Variants in GRM7 observed in about 807,000 individuals in gnomAD.
The protein encoded by GRM7 is metabotropic glutamate receptor 7.
Under a neutral mutation model 84.5 loss-of-function variants are expected in GRM7, and 35 were observed. The observed-to-expected ratio is 0.41, with a 90% CI of 0.32 to 0.55. The LOEUF (loss-of-function observed/expected upper bound fraction) is 0.55, where lower values mean the gene tolerates loss of function less well. Ranked by LOEUF, GRM7 falls within the 20% of genes least tolerant of loss-of-function variation. The pLI is 0.19. For synonymous variants in GRM7, 487 were observed against 455.1 expected (o/e 1.07, Z -0.89); for missense variants, 1,003 against 1,194.6 (o/e 0.84, Z 2.36).
At chr3:7,132,785 C>A (rs575621419) in intron 1 of GRM7, among the ~76,000 whole-genome samples, 1 of 152,156 alleles carries the variant, frequency 6.6e-6, no homozygotes, top group African/African-American at 2.4e-5. Context: ...AAAGTGGCTT[C>A]GGAATCATTA....
chr3:7,591,806 C>G (rs1695794687), intron 8 of GRM7, among the ~76,000 whole-genome samples: 1 of 152,108 alleles, frequency 6.6e-6, no homozygotes, highest in Non-Finnish European at 1.5e-5. Context: ...ATATCATCCC[C>G]ATTTACAGAG....
At chr3:7,457,858 C>A (rs1206758802) in intron 6 of GRM7, among the ~76,000 whole-genome samples, 1 of 152,194 alleles carries the variant, frequency 6.6e-6, no homozygotes, top group East Asian at 1.9e-4. Flanking sequence ...TAGCCAATAT[C>A]AACTGTCAGA....
chr3:7,279,166 T>A (rs534673096), intron 2 of GRM7, among the ~76,000 whole-genome samples: 96 of 152,258 alleles, frequency 6.3e-4, no homozygotes, highest in African/African-American at 2.2e-3. Flanking sequence ...CTGGAGTGAT[T>A]TGTTAAGTAG....
intron 1 of GRM7, among the ~76,000 whole-genome samples, chr3:6,958,294 A>G (rs1693151061): frequency 6.6e-6 from 1 of 151,700 alleles, no homozygotes; most frequent in African/African-American, 2.4e-5. Flanking sequence ...GGTTTGAGAT[A>G]CATCTGTGCT....
intron 9 of GRM7, among the ~76,000 whole-genome samples, chr3:7,732,819 A>G (rs1702377747): frequency 6.6e-6 from 1 of 152,212 alleles, no homozygotes; most frequent in Non-Finnish European, 1.5e-5. Context: ...GGGTTAGTCC[A>G]CAGTGCAAAG....
chr3:6,953,315 C>A (rs533249598), intron 1 of GRM7, among the ~76,000 whole-genome samples: 1 of 152,178 alleles, frequency 6.6e-6, no homozygotes, highest in Non-Finnish European at 1.5e-5. Flanking sequence ...CTCATTACTT[C>A]AACTCACATG....
At chr3:7,408,634 T>C (rs1486785455) in intron 4 of GRM7, among the ~76,000 whole-genome samples, 2 of 152,164 alleles carry the variant, frequency 1.3e-5, no homozygotes, top group African/African-American at 4.8e-5. Flanking sequence ...GTCCCTGGCC[T>C]CCAGGACCTC....
intron 7 of GRM7, among the ~76,000 whole-genome samples, chr3:7,517,643 T>A (rs772766544): frequency 1.3e-5 from 2 of 152,166 alleles, no homozygotes; most frequent in Non-Finnish European, 2.9e-5. Context: ...ATCACCTGTC[T>A]TGGCCTTCCA....
chr3:7,337,695 C>G (rs1413498410), intron 4 of GRM7, among the ~76,000 whole-genome samples: 1 of 151,738 alleles, frequency 6.6e-6, no homozygotes, highest in Non-Finnish European at 1.5e-5. Flanking sequence ...CAAATCAAAA[C>G]CACAATGTGA....
intron 2 of GRM7, among the ~76,000 whole-genome samples, chr3:7,152,891 A>G (rs765913942): frequency 1.7e-4 from 26 of 152,192 alleles, no homozygotes; most frequent in Non-Finnish European, 3.5e-4. Context: ...AAGCTAGGGT[A>G]CAGTCATTAA....
At chr3:7,036,606 T>G (rs1432689022) in intron 1 of GRM7, among the ~76,000 whole-genome samples, 2 of 152,196 alleles carry the variant, frequency 1.3e-5, no homozygotes, top group African/African-American at 2.4e-5. Context: ...ACTGTGAAAT[T>G]GACATTTTAT....
chr3:7,034,157 C>G (rs374238093), intron 1 of GRM7, among the ~76,000 whole-genome samples: 16 of 152,124 alleles, frequency 1.1e-4, no homozygotes, highest in African/African-American at 3.9e-4. Flanking sequence ...TACTAGGTTC[C>G]TTGAATGATC....
At chr3:7,013,130 C>T (rs1032260315) in intron 1 of GRM7, among the ~76,000 whole-genome samples, 3 of 66,744 alleles carry the variant, frequency 4.5e-5, no homozygotes, top group Admixed American at 1.7e-4. Context: ...ATCAACCCTA[C>T]CATAAAAAAA....
At chr3:7,196,017 T>C (rs1695867358) in intron 2 of GRM7, among the ~76,000 whole-genome samples, 1 of 152,014 alleles carries the variant, frequency 6.6e-6, no homozygotes, top group South Asian at 2.1e-4. Flanking sequence ...TAGTTAACTA[T>C]CTACCTACCT....
At chr3:6,959,875 A>G (rs1032729389) in intron 1 of GRM7, among the ~76,000 whole-genome samples, 2 of 152,124 alleles carry the variant, frequency 1.3e-5, no homozygotes, top group African/African-American at 4.8e-5. Flanking sequence ...GTGAGTAACA[A>G]ATGGAAACTC....
chr3:7,405,295 C>T (rs987461423), intron 4 of GRM7, among the ~76,000 whole-genome samples: 2 of 152,074 alleles, frequency 1.3e-5, no homozygotes, highest in African/African-American at 4.8e-5. Context: ...TAGAAAGAGG[C>T]TGGAGACCAG....
rs1693572872 is a variant in GRM7, at chr3:7,359,580, C to A, written c.1033+52928C>A. 2.0e-5 allele frequency among the ~76,000 whole-genome samples: 3 copies of A among 147,782 alleles called. No individual in the cohort carries two copies. The South Asian group carries it at 6.3e-4, about 31-fold the overall frequency. ...GAACTCCTGACCTCAAGTGATCCAC[C>A]TGCCTTGGACTCCCAAAGTGTTGGG... is the stretch of plus-strand genomic sequence containing the variant. On this transcript the variant is annotated intron_variant, in intron 4 of 9. Transcript: ENST00000357716.
Position 7,006,900 on chromosome 3 carries a change from G to C in GRM7, c.520-139552G>C, listed in dbSNP as rs1371989386. On this transcript the variant is annotated intron_variant, in intron 1 of 9. Coordinates refer to ENST00000357716, the MANE Select transcript of GRM7 (RefSeq NM_000844.4). Reference sequence around the variant, plus strand: ...AAGGTGACTTTCCTTCAAAGGGATTGACAAATAATAACGATAAATAAAGCA... The same window carrying C: ...AAGGTGACTTTCCTTCAAAGGGATTCACAAATAATAACGATAAATAAAGCA... Among the ~76,000 whole-genome samples, 16 of 152,268 alleles carry C rather than the reference G, an allele frequency of 1.1e-4. No homozygotes were observed. In the East Asian group the frequency reaches 3.1e-3, roughly 29 times the overall value.
At chr3:6,998,445 C>G (rs1053173655) in intron 1 of GRM7, among the ~76,000 whole-genome samples, 11 of 152,156 alleles carry the variant, frequency 7.2e-5, no homozygotes, top group Non-Finnish European at 1.2e-4. Context: ...GCACACAGTG[C>G]AAGCTGTCAG....
Sources: gnomAD v4.1 joint callset for allele counts (sites outside exome capture counted in the v4.1 genomes callset) on GRCh38, gnomAD v4.1.1 for gene constraint, MANE v1.5 for transcripts, NCBI Gene and HGNC (gene_info 2026-07-23, HGNC 2026-07-21) for gene names.